CMSS1: variants seen among roughly 807,000 people sequenced by gnomAD.
The protein encoded by CMSS1 is protein CMSS1.
A neutral mutation model predicts 43.5 loss-of-function variants in CMSS1; 33 were observed. The ratio of observed to expected loss-of-function variants is 0.76; its 90% CI spans 0.57 to 1.01. The LOEUF (loss-of-function observed/expected upper bound fraction) is 1.01, where lower values mean the gene tolerates loss of function less well. Ranked by LOEUF, CMSS1 falls within the 50% of genes least tolerant of loss-of-function variation. The pLI is 0.00. For missense variants in CMSS1, 313 were observed against 326.4 expected (o/e 0.96, Z 0.32); for synonymous variants, 115 against 117.2 (o/e 0.98, Z 0.12).
chr3:100,172,583 T>C (rs2067119960), intron 8 of CMSS1, among the ~76,000 whole-genome samples, 180 bp downstream of exon 8: 1 of 152,228 alleles, frequency 6.6e-6, no homozygotes, highest in Non-Finnish European at 1.5e-5. Context: ...TAGGGAATGA[T>C]AAGGACTGTG....
At chr3:100,106,718 A>T (rs1559759547) in intron 1 of CMSS1, among the ~76,000 whole-genome samples, 1 of 152,280 alleles carries the variant, frequency 6.6e-6, no homozygotes, top group East Asian at 1.9e-4. Context: ...TTCCTTTTGA[A>T]TGCTTTAGAT....
At chr3:100,009,123 G>A (rs565132395) in intron 1 of CMSS1, among the ~76,000 whole-genome samples, 20 of 152,220 alleles carry the variant, frequency 1.3e-4, no homozygotes, top group East Asian at 9.6e-4. Context: ...GAATATTCCC[G>A]AATGAGAATT....
At chr3:100,037,451 GACACACACAC>G (rs66489523) in intron 1 of CMSS1, among the ~76,000 whole-genome samples, 5 of 151,308 alleles carry the variant, frequency 3.3e-5, no homozygotes, top group African/African-American at 1.2e-4. Flanking sequence ...AAAGCAAACA[GACACACACAC>G]ACACACGCAC....
At chr3:99,818,563 G>A (rs759382451) in intron 1 of CMSS1, among the ~76,000 whole-genome samples, 5 of 152,220 alleles carry the variant, frequency 3.3e-5, no homozygotes, top group Non-Finnish European at 7.3e-5. Flanking sequence ...CATAGTGCTT[G>A]ACATATAATG....
intron 1 of CMSS1, among the ~76,000 whole-genome samples, chr3:100,055,322 C>A (rs1300478396): frequency 1.3e-5 from 2 of 152,070 alleles, no homozygotes; most frequent in Non-Finnish European, 2.9e-5. Context: ...TTCTGTTATC[C>A]CCAACATCAC....
chr3:100,138,776 C>T (rs1446262910), intron 1 of CMSS1, among the ~76,000 whole-genome samples: 3 of 152,184 alleles, frequency 2.0e-5, no homozygotes, highest in Non-Finnish European at 4.4e-5. Flanking sequence ...TTCTTGGAGA[C>T]AGTATGGCAA....
At chr3:100,000,061 A>G (rs1399940626) in intron 1 of CMSS1, among the ~76,000 whole-genome samples, 2 of 152,104 alleles carry the variant, frequency 1.3e-5, no homozygotes, top group Non-Finnish European at 2.9e-5. Flanking sequence ...AGGCATCTCT[A>G]TTTTTTGAAA....
At chr3:99,825,209 A>G (rs1383394881) in intron 1 of CMSS1, among the ~76,000 whole-genome samples, 1 of 152,248 alleles carries the variant, frequency 6.6e-6, no homozygotes, top group East Asian at 1.9e-4. Context: ...TGTTGTTTTC[A>G]TAATCATTCG....
intron 1 of CMSS1, among the ~76,000 whole-genome samples, chr3:100,101,702 G>A (rs1180946666): frequency 6.6e-6 from 1 of 152,090 alleles, no homozygotes; most frequent in Non-Finnish European, 1.5e-5. Context: ...CATGTGCCAT[G>A]TTGGTGTGCT....
chr3:99,861,759 G>C (rs868555837), intron 1 of CMSS1, among the ~76,000 whole-genome samples: 40 of 152,164 alleles, frequency 2.6e-4, no homozygotes, highest in African/African-American at 8.9e-4. Flanking sequence ...CAATAGGAAC[G>C]AGACAGTGGA....
intron 9 of CMSS1, 72 bp from the exon 10 acceptor site, chr3:100,178,233 T>G: frequency 1.2e-6 from 1 of 854,110 alleles, no homozygotes; most frequent in Non-Finnish European, 1.9e-6. Flanking sequence ...GGAGTCCTGA[T>G]GGTTGAATGT....
At chr3:100,103,553 G>A (rs1221253992) in intron 1 of CMSS1, among the ~76,000 whole-genome samples, 1 of 152,158 alleles carries the variant, frequency 6.6e-6, no homozygotes, top group African/African-American at 2.4e-5. Context: ...TTGGAAGCAC[G>A]GATTGGGCAG....
chr3:99,858,902 A>G (rs569921786), intron 1 of CMSS1, among the ~76,000 whole-genome samples: 7 of 152,346 alleles, frequency 4.6e-5, no homozygotes, highest in African/African-American at 1.7e-4. Flanking sequence ...TTCTTCTGTC[A>G]GCCTTTTGCT....
At chr3:99,919,448 A>G (rs1707055478) in intron 1 of CMSS1, among the ~76,000 whole-genome samples, 1 of 149,654 alleles carries the variant, frequency 6.7e-6, no homozygotes, top group South Asian at 2.2e-4. Context: ...CAGTAGACAT[A>G]TATATTTAAT....
At chr3:100,138,458 A>C (rs980522760) in intron 1 of CMSS1, among the ~76,000 whole-genome samples, 1 of 148,072 alleles carries the variant, frequency 6.8e-6, no homozygotes, top group African/African-American at 2.5e-5. Context: ...CAAAGGTCTA[A>C]TATCCAGAAT....
chr3:99,897,611 G>C (rs1706300170), intron 1 of CMSS1, among the ~76,000 whole-genome samples: 1 of 152,044 alleles, frequency 6.6e-6, no homozygotes, highest in African/African-American at 2.4e-5. Context: ...GGAGTGCTGG[G>C]GTATCGTGTA....
chr3:99,827,806 C>T (rs1218317091), intron 1 of CMSS1, among the ~76,000 whole-genome samples: 2 of 151,922 alleles, frequency 1.3e-5, no homozygotes, highest in East Asian at 3.9e-4. Context: ...GGTTTCTCCA[C>T]GTTGGTGAAG....
intron 1 of CMSS1, among the ~76,000 whole-genome samples, chr3:100,074,796 C>T (rs183143505): frequency 4.9e-5 from 7 of 142,514 alleles, no homozygotes; most frequent in African/African-American, 1.8e-4. Flanking sequence ...TGGGTTCAAG[C>T]GATTCTCTTA....
intron 1 of CMSS1, among the ~76,000 whole-genome samples, chr3:99,940,707 T>A (rs1018287367): frequency 2.6e-5 from 4 of 152,202 alleles, no homozygotes; most frequent in Admixed American, 2.0e-4. Flanking sequence ...TTCCTACAAA[T>A]TTTTATTTTT....
Sources: allele counts gnomAD v4.1 joint callset (sites outside exome capture counted in the v4.1 genomes callset), GRCh38; gene constraint gnomAD v4.1.1; transcripts MANE v1.5; gene names NCBI Gene and HGNC (gene_info 2026-07-23, HGNC 2026-07-21).